The following DACH1 variants were observed in gnomAD, a reference collection of about 807,000 sequenced individuals.
DACH1 encodes dachshund homolog 1.
Under a neutral mutation model 54.2 loss-of-function variants are expected in DACH1, and 12 were observed. The ratio of observed to expected loss-of-function variants is 0.22; its 90% CI spans 0.14 to 0.36. The LOEUF (loss-of-function observed/expected upper bound fraction) is 0.36. DACH1 is among the 10% of genes least tolerant of loss of function. DACH1 has a pLI of 1.00. For missense variants in DACH1, 805 were observed against 929.8 expected (o/e 0.87, Z 1.75); for synonymous variants, 386 against 366.2 (o/e 1.05, Z -0.62).
chr13:71,555,724 T>A (rs1884204289), intron 6 of DACH1, among the ~76,000 whole-genome samples: 1 of 152,132 alleles, frequency 6.6e-6, no homozygotes, highest in Admixed American at 6.5e-5. Context: ...ATATGATGGA[T>A]AATATACATG....
intron 6 of DACH1, among the ~76,000 whole-genome samples, chr13:71,528,297 T>C (rs2138298379): frequency 6.6e-6 from 1 of 152,272 alleles, no homozygotes; most frequent in South Asian, 2.1e-4. Flanking sequence ...GAGACTGCAG[T>C]TTAGAATTCA....
At chr13:71,516,964 C>A (rs1279356217) in intron 6 of DACH1, among the ~76,000 whole-genome samples, 1 of 150,920 alleles carries the variant, frequency 6.6e-6, no homozygotes, top group Admixed American at 6.6e-5. Flanking sequence ...ACTTAAGAGC[C>A]ATTATAAATA....
At chr13:71,488,920 C>A (rs1046744342) in intron 7 of DACH1, 77 bp downstream of exon 7, 120 of 1,364,818 alleles carry the variant, frequency 8.8e-5, no homozygotes, top group Non-Finnish European at 1.1e-4. Context: ...TAAGTAGGAA[C>A]AGTATAAATT....
intron 3 of DACH1, among the ~76,000 whole-genome samples, chr13:71,573,875 T>A (rs1885375781): frequency 6.6e-6 from 1 of 152,164 alleles, no homozygotes; most frequent in Admixed American, 6.6e-5. Flanking sequence ...ATTAACCAGA[T>A]AATTAATTAC....
At chr13:71,757,475 A>G (rs1345285812) in intron 1 of DACH1, among the ~76,000 whole-genome samples, 1 of 151,850 alleles carries the variant, frequency 6.6e-6, no homozygotes, top group Non-Finnish European at 1.5e-5. Flanking sequence ...TAATAATGCC[A>G]ATCTCACCAG....
At chr13:71,584,894 A>C (rs1026958099) in intron 3 of DACH1, among the ~76,000 whole-genome samples, 8 of 152,050 alleles carry the variant, frequency 5.3e-5, no homozygotes, top group Admixed American at 4.6e-4. Context: ...CAAACAAAGA[A>C]ATAGAGCAGA....
At chr13:71,565,416 G>A (rs1295409779) in intron 4 of DACH1, among the ~76,000 whole-genome samples, 2 of 152,102 alleles carry the variant, frequency 1.3e-5, no homozygotes, top group Non-Finnish European at 2.9e-5. Context: ...TGTCCCCATG[G>A]AGCATATATC....
chr13:71,559,451 T>A (rs575537125), intron 5 of DACH1, among the ~76,000 whole-genome samples: 105 of 152,264 alleles, frequency 6.9e-4, no homozygotes, highest in African/African-American at 2.4e-3. Context: ...ATTACAAAAA[T>A]GGCAGAGTAG....
At chr13:71,590,549 G>A (rs1209116498) in intron 3 of DACH1, among the ~76,000 whole-genome samples, 1 of 152,044 alleles carries the variant, frequency 6.6e-6, no homozygotes, top group Non-Finnish European at 1.5e-5. Flanking sequence ...AGTTGTGAAG[G>A]ATACATTTTC....
At chr13:71,599,828 TACAC>T (rs113936121) in intron 3 of DACH1, among the ~76,000 whole-genome samples, 17 of 146,604 alleles carry the variant, frequency 1.2e-4, no homozygotes, top group African/African-American at 2.7e-4. Context: ...AACACATTTC[TACAC>T]ACACACACAC....
intron 3 of DACH1, chr13:71,573,375 T>A (rs1355903022): frequency 4.2e-6 from 3 of 710,134 alleles, no homozygotes; most frequent in African/African-American, 1.8e-5. Context: ...AAATACAATT[T>A]AAAAAAAACT....
chr13:71,606,698 G>A (rs1433165512), intron 3 of DACH1, among the ~76,000 whole-genome samples: 2 of 151,876 alleles, frequency 1.3e-5, no homozygotes, highest in African/African-American at 4.8e-5. Flanking sequence ...ATTTCTTTTG[G>A]GAAGTTTTAA....
At chr13:71,597,429 T>TA (rs1396231673) in intron 3 of DACH1, among the ~76,000 whole-genome samples, 1 of 152,232 alleles carries the variant, frequency 6.6e-6, no homozygotes, top group African/African-American at 2.4e-5. Context: ...CATGTGTTTT[T>TA]ACACAGTAGT....
intron 1 of DACH1, among the ~76,000 whole-genome samples, chr13:71,774,879 T>C (rs1398636947): frequency 6.6e-6 from 1 of 152,064 alleles, no homozygotes; most frequent in Non-Finnish European, 1.5e-5. Context: ...ACACAGGCCA[T>C]TGTTAGAAAG....
intron 1 of DACH1, among the ~76,000 whole-genome samples, chr13:71,759,405 TAA>T (rs1481344893): frequency 3.9e-5 from 6 of 152,160 alleles, no homozygotes; most frequent in Non-Finnish European, 7.3e-5. Context: ...TCACTATTAT[TAA>T]GTGTCATTTT....
At chr13:71,827,243 A>C (rs1479256723) in intron 1 of DACH1, among the ~76,000 whole-genome samples, 1 of 152,046 alleles carries the variant, frequency 6.6e-6, no homozygotes, top group African/African-American at 2.4e-5. Flanking sequence ...GCAATATTAC[A>C]ATCATTGTTT....
intron 2 of DACH1, among the ~76,000 whole-genome samples, chr13:71,667,850 T>G (rs1435450967): frequency 6.6e-6 from 1 of 152,162 alleles, no homozygotes; most frequent in Non-Finnish European, 1.5e-5. Context: ...GGATTAATTT[T>G]CTTGGAATTT....
rs1304406006 is a variant in DACH1 at position 71,440,685 on chromosome 13, T to C, written c.2091A>G (p.Arg697=). 2.5e-6 allele frequency: 4 copies of C among 1,603,944 alleles called. No individual in the cohort carries two copies. The South Asian group carries it at 3.4e-5, about 13-fold the overall frequency. The change falls in exon 11 of 11, where the codon AGA becomes AGG. Residue 697 remains arginine (R), a synonymous_variant. Transcript: ENST00000613252. ...ACATGACAGTAGTTTTCAAATACAG[T>C]CTTCCATCTAGAAATGAACAGTGAA... The part of the protein sequence containing the change: ...TDAERTIQDG[R]LYLKTTVMY
At chr13:71,821,749 A>G (rs971581227) in intron 1 of DACH1, among the ~76,000 whole-genome samples, 1 of 152,150 alleles carries the variant, frequency 6.6e-6, no homozygotes, top group Admixed American at 6.5e-5. Flanking sequence ...CCTACTGATA[A>G]CTATTAAACG....
Sources: gnomAD v4.1 joint callset for allele counts (sites outside exome capture counted in the v4.1 genomes callset) on GRCh38, gnomAD v4.1.1 for gene constraint, MANE v1.5 for transcripts, NCBI Gene and HGNC (gene_info 2026-07-23, HGNC 2026-07-21) for gene names.